The following ANXA3 variants were observed in gnomAD, a reference collection of about 807,000 sequenced individuals.
ANXA3 encodes annexin A3, also known as 35-alpha calcimedin.
A neutral mutation model predicts 48.8 loss-of-function variants in ANXA3; 46 were observed. That is an observed-to-expected ratio of 0.94 (90% CI 0.74 to 1.21). The LOEUF is 1.21. ANXA3 is among the 50% of genes most tolerant of loss of function. ANXA3 has a pLI of 0.00. For missense variants in ANXA3, 383 were observed against 378.6 expected (o/e 1.01, Z -0.10); for synonymous variants, 128 against 134.7 (o/e 0.95, Z 0.35).
At position 78,601,466 on chromosome 4, in the gene ANXA3, A is replaced by G. The variant is rs377127322; in HGVS notation, c.731-44A>G. On this transcript the variant is annotated intron_variant, in intron 10 of 12. Transcript: ENST00000264908. ...ATATTACTTACTATAGATTAACCCA[A>G]TTTCTATTCCGTGAAGCTGAACATT... The G allele has an allele frequency of 1.4e-4, 227 of 1,586,320 alleles. 1 individual carries two copies. The highest frequency in any genetic ancestry group is 1.9e-4 in the Non-Finnish European group (214 of 1,155,116).
intron 2 of ANXA3, among the ~76,000 whole-genome samples, chr4:78,559,426 C>T (rs1365308030): frequency 6.6e-6 from 1 of 152,092 alleles, no homozygotes; most frequent in African/African-American, 2.4e-5. Flanking sequence ...TTGTAATCAC[C>T]ATGAACTGTT....
At chr4:78,563,746 G>A in intron 2 of ANXA3, among the ~76,000 whole-genome samples, 1 of 152,160 alleles carries the variant, frequency 6.6e-6, no homozygotes, top group East Asian at 1.9e-4. Context: ...CTAGCCAAGG[G>A]CCATTTAAGA....
At chr4:78,607,985 G>A (rs1346552827) in intron 12 of ANXA3, among the ~76,000 whole-genome samples, 1 of 152,136 alleles carries the variant, frequency 6.6e-6, no homozygotes, top group Non-Finnish European at 1.5e-5. Context: ...GTCTACCTTG[G>A]GGAATATTGA....
chr4:78,597,664 G>A (rs191001799), intron 10 of ANXA3, among the ~76,000 whole-genome samples: 3 of 152,214 alleles, frequency 2.0e-5, no homozygotes, highest in African/African-American at 7.2e-5. Context: ...CCAGGCTGGA[G>A]TGCAGTGGTG....
chr4:78,559,205 G>C (rs1367820477), intron 2 of ANXA3, among the ~76,000 whole-genome samples: 1 of 151,960 alleles, frequency 6.6e-6, no homozygotes, highest in Non-Finnish European at 1.5e-5. Context: ...TCAGTCTCCT[G>C]AGTAGGTGGG....
intron 2 of ANXA3, among the ~76,000 whole-genome samples, chr4:78,563,464 G>A (rs989871692): frequency 1.4e-5 from 2 of 145,216 alleles, no homozygotes; most frequent in African/African-American, 4.9e-5. Flanking sequence ...GGGATCTCTG[G>A]GGGGTGATTA....
intron 6 of ANXA3, 100 bp from the exon 7 acceptor site, chr4:78,591,444 A>G (rs918020368): frequency 5.2e-6 from 4 of 763,116 alleles, no homozygotes; most frequent in African/African-American, 1.8e-5. Flanking sequence ...ATCTTATCAC[A>G]TACCCATTCT....
chr4:78,594,922 C>A (rs1487088511), intron 7 of ANXA3, among the ~76,000 whole-genome samples: 1 of 152,080 alleles, frequency 6.6e-6, no homozygotes, highest in Non-Finnish European at 1.5e-5. Flanking sequence ...CAGCTTGAGG[C>A]CAGGAGTTTG....
rs115951505 is a variant in ANXA3, at chr4:78,556,023, T to C, written c.15+1535T>C. On this transcript the variant is annotated intron_variant, in intron 2 of 12. Transcript: ENST00000264908. ...ATGGGAGAGTAAATTTGGTACACTT[T>C]TGGATAGTATTTTGGCAATATCTCT... Among the ~76,000 whole-genome samples, 552 of 152,330 alleles carry C rather than the reference T, an allele frequency of 3.6e-3. 2 individuals carry two copies. The highest frequency in any genetic ancestry group is 0.013 in the African/African-American group (522 of 41,574).
At chr4:78,575,176 T>C (rs182322392) in intron 3 of ANXA3, among the ~76,000 whole-genome samples, 1 of 152,350 alleles carries the variant, frequency 6.6e-6, no homozygotes, top group Non-Finnish European at 1.5e-5. Context: ...CAATAAAATA[T>C]AAAATATATT....
intron 3 of ANXA3, among the ~76,000 whole-genome samples, chr4:78,575,800 G>A (rs1419821056): frequency 2.0e-5 from 3 of 151,944 alleles, no homozygotes; most frequent in Admixed American, 1.3e-4. Context: ...CTATAACGAA[G>A]TCATAAAGTT....
chr4:78,552,529 T>C lies in ANXA3; in HGVS notation c.-39+670T>C, dbSNP rs570361925. 9.8e-5 allele frequency among the ~76,000 whole-genome samples: 15 copies of C among 152,302 alleles called. No homozygotes were observed. The East Asian group carries it at 2.9e-3, about 29-fold the overall frequency. The stretch of plus-strand genomic sequence containing the variant: ...GACTAGATATGAATCATTCCCTTGG[T>C]ATTTGAGTCACCAGGTGGAAGATTT... On this transcript the variant is annotated intron_variant, in intron 1 of 12. Coordinates refer to ENST00000264908, the MANE Select transcript of ANXA3 (RefSeq NM_005139.3).
chr4:78,563,214 C>T (rs770846924), intron 2 of ANXA3, among the ~76,000 whole-genome samples: 8 of 152,158 alleles, frequency 5.3e-5, no homozygotes, highest in Non-Finnish European at 1.0e-4. Flanking sequence ...CAGTAGACAT[C>T]ATTTACCTTG....
chr4:78,564,890 A>G (rs959186227), intron 2 of ANXA3, among the ~76,000 whole-genome samples: 4 of 152,148 alleles, frequency 2.6e-5, no homozygotes, highest in African/African-American at 9.7e-5. Flanking sequence ...GATAAGAGTC[A>G]TGAAGGTGGT....
chr4:78,555,190 G>A (rs1420236109), intron 2 of ANXA3, among the ~76,000 whole-genome samples: 2 of 152,204 alleles, frequency 1.3e-5, no homozygotes, highest in Non-Finnish European at 2.9e-5. Context: ...GAGAGACAGA[G>A]TGAGACTCCG....
At chr4:78,595,997 C>G in intron 9 of ANXA3, 110 bp downstream of exon 9, 1 of 682,662 alleles carries the variant, frequency 1.5e-6, no homozygotes, top group Non-Finnish European at 2.5e-6. Context: ...GAAGTCTGTT[C>G]CAGTTATTCA....
At chr4:78,600,688 T>C (rs557287045) in intron 10 of ANXA3, among the ~76,000 whole-genome samples, 1 of 152,320 alleles carries the variant, frequency 6.6e-6, no homozygotes, top group East Asian at 1.9e-4. Flanking sequence ...AAGTCACTTA[T>C]TCTTGTTCTG....
chr4:78,585,997 A>G (rs891395208), intron 5 of ANXA3, among the ~76,000 whole-genome samples: 9 of 152,204 alleles, frequency 5.9e-5, no homozygotes, highest in African/African-American at 2.2e-4. Context: ...TGAATGACAC[A>G]GGCTTTTTCT....
intron 10 of ANXA3, among the ~76,000 whole-genome samples, chr4:78,598,218 A>G (rs1439696832): frequency 6.7e-6 from 1 of 150,010 alleles, no homozygotes. Context: ...TGCAACTAAG[A>G]CCTAAGCCAG....
Sources: allele counts gnomAD v4.1 joint callset (sites outside exome capture counted in the v4.1 genomes callset), GRCh38; gene constraint gnomAD v4.1.1; transcripts MANE v1.5; gene names NCBI Gene and HGNC (gene_info 2026-07-23, HGNC 2026-07-21).